Variants in CYP27C1 observed in about 807,000 individuals in gnomAD.
CYP27C1 encodes cytochrome P450 family 27 subfamily C member 1, also known as cytochrome P450 27C1.
In CYP27C1, 29 loss-of-function variants were observed where a neutral mutation model predicts 40.6. That is an observed-to-expected ratio of 0.71 (90% confidence interval 0.53 to 0.97). The LOEUF (loss-of-function observed/expected upper bound fraction) is 0.97, where lower values mean the gene tolerates loss of function less well. Ranked by LOEUF, CYP27C1 falls within the 50% of genes least tolerant of loss-of-function variation. The probability of loss-of-function intolerance (pLI) is 0.00; values close to 1 mark genes in which losing one functional copy is unlikely to be tolerated. For synonymous variants in CYP27C1, 198 were observed against 186.8 expected, an observed-to-expected ratio of 1.06 and a Z score of -0.49; for missense variants, 390 against 485.8, an observed-to-expected ratio of 0.80 and a Z score of 1.85.
In CYP27C1 at chr2:127,194,920, C is replaced by A. The variant is rs371268931; in HGVS notation, c.1214+415G>T. On this transcript the variant is annotated intron_variant, in intron 6 of 8. Transcript: ENST00000664447. Reference sequence around the variant, plus strand: ...CACTGGTGCAATCTTGGCTCCATCACCTAACTTCAAGCGATTCTCTTGCCC... The same window carrying A: ...CACTGGTGCAATCTTGGCTCCATCAACTAACTTCAAGCGATTCTCTTGCCC... 4.8e-4 allele frequency among the ~76,000 whole-genome samples: 72 copies of A among 151,254 alleles called. 2 individuals are homozygous for A. Among genetic ancestry groups the A allele is most frequent in the African/African-American group, 1.7e-3 (70 of 41,094 alleles).
At chr2:127,193,531 C>T (rs539377392) in intron 7 of CYP27C1, among the ~76,000 whole-genome samples, 9 of 152,216 alleles carry the variant, frequency 5.9e-5, no homozygotes, top group Non-Finnish European at 1.3e-4. Context: ...CCAGCGGTGA[C>T]TGGCCACTTC....
chr2:127,198,114 T>G (rs538022046), intron 5 of CYP27C1, among the ~76,000 whole-genome samples: 52 of 152,016 alleles, frequency 3.4e-4, no homozygotes, highest in African/African-American at 1.3e-3. Context: ...CATTCTGATA[T>G]GAACCCTCCC....
intron 1 of CYP27C1, among the ~76,000 whole-genome samples, chr2:127,215,742 T>C (rs1343768992): frequency 6.6e-6 from 1 of 150,900 alleles, no homozygotes; most frequent in Non-Finnish European, 1.5e-5. Context: ...AACCTTCGGA[T>C]GGAGAAAATA....
rs1164024724 is a variant in CYP27C1, at chr2:127,218,890, GC to G, written c.282+1098del. 6.6e-6 allele frequency among the ~76,000 whole-genome samples: 1 copy of G among 152,214 alleles called. No individual in the cohort carries two copies. The highest frequency in any genetic ancestry group is 1.5e-5 in the Non-Finnish European group (1 of 68,034). ...GGCGCCGCCGCGGCTCGGGTGCAGTGCCCCTGCCACGAAGGGCGCAACGGAG... is the reference window on the plus strand; with the variant it reads ...GGCGCCGCCGCGGCTCGGGTGCAGTGCCCTGCCACGAAGGGCGCAACGGAG... On this transcript the variant is annotated intron_variant, in intron 1 of 8. Coordinates refer to ENST00000664447, the MANE Select transcript of CYP27C1 (RefSeq NM_001367502.1). This position sits in a 1 kb window ranked among gnomAD's most constrained non-coding sequence, Gnocchi z 6.0.
At position 127,185,360 on chromosome 2, in the gene CYP27C1, T is replaced by C. The variant is rs1016526535; in HGVS notation, c.*1911A>G. 1.3e-5 allele frequency: 2 copies of C among 152,222 alleles called. No individual in the cohort carries two copies. Among genetic ancestry groups the C allele is most frequent in the African/African-American group, 4.8e-5 (2 of 41,440 alleles). 9.4% of individuals were successfully genotyped at this position (152,222 alleles called of 1,614,324 possible). A position where few individuals can be genotyped will look rare whatever the true frequency, so the allele number is the denominator to read the frequency against. ...AGCCCGCACTTTGCTATTCACCCTGTGCTGATCCCCAGGCAGAGCCACACT... is the reference window on the plus strand; with the variant it reads ...AGCCCGCACTTTGCTATTCACCCTGCGCTGATCCCCAGGCAGAGCCACACT... On this transcript the variant is annotated 3_prime_UTR_variant, in exon 9 of 9. Coordinates refer to ENST00000664447, the MANE Select transcript of CYP27C1 (RefSeq NM_001367502.1). This position sits in a 1 kb window ranked among gnomAD's most constrained non-coding sequence, Gnocchi z 4.9.
At chr2:127,188,818 TAAGA>T (rs953492549) in intron 8 of CYP27C1, among the ~76,000 whole-genome samples, 11 of 152,244 alleles carry the variant, frequency 7.2e-5, no homozygotes, top group African/African-American at 2.4e-4. Context: ...TTTAAATAAT[TAAGA>T]GTCAGACAGG....
chr2:127,193,387 CG>C, intron 7 of CYP27C1, 90 bp from the exon 8 acceptor site: 1 of 1,523,980 alleles, frequency 6.6e-7, no homozygotes. Context: ...GACAGTCTCC[CG>C]GGGTGCTCCC....
chr2:127,205,728 C>T, intron 2 of CYP27C1, 172 bp downstream of exon 2: 14 of 985,538 alleles, frequency 1.4e-5, no homozygotes, highest in Non-Finnish European at 1.7e-5. Flanking sequence ...CCAGAAAGCC[C>T]AGCAGGGCTC....
chr2:127,216,997 A>C (rs1473360422), intron 1 of CYP27C1, among the ~76,000 whole-genome samples: 3 of 152,178 alleles, frequency 2.0e-5, no homozygotes, highest in African/African-American at 7.2e-5. Flanking sequence ...ACTTCTGCCT[A>C]ACAAATAAGT....
At position 127,199,336 on chromosome 2, in the gene CYP27C1, A is replaced by C. The variant is rs371576588; in HGVS notation, c.1047+40T>G. 3 of 1,605,708 alleles carry C rather than the reference A, an allele frequency of 1.9e-6. No individual in the cohort carries two copies. The African/African-American group carries it at 4.0e-5, about 21-fold the overall frequency. Reference sequence around the variant, plus strand: ...TCCATGAGGTGATGAGGAAGGGGTTATCGTGTGTTGCTTGCTGAGAACAGG... The same window carrying C: ...TCCATGAGGTGATGAGGAAGGGGTTCTCGTGTGTTGCTTGCTGAGAACAGG... On this transcript the variant is annotated intron_variant, in intron 5 of 8. Transcript: ENST00000664447.
chr2:127,215,485 A>G (rs963715243), intron 1 of CYP27C1, among the ~76,000 whole-genome samples: 2 of 152,306 alleles, frequency 1.3e-5, no homozygotes, highest in South Asian at 2.1e-4. Flanking sequence ...TTAAGATATG[A>G]TCCCTAAAGT....
At chr2:127,197,601 C>T (rs938375119) in intron 5 of CYP27C1, among the ~76,000 whole-genome samples, 6 of 152,118 alleles carry the variant, frequency 3.9e-5, no homozygotes, top group Non-Finnish European at 8.8e-5. Context: ...TTGGAAACAG[C>T]GAAGCGTCAC....
Position 127,196,094 on chromosome 2 carries a change from G to A in CYP27C1, c.1048-593C>T, listed in dbSNP as rs1301316717. 6.7e-5 allele frequency among the ~76,000 whole-genome samples: 10 copies of A among 150,062 alleles called. No individual in the cohort carries two copies. Among genetic ancestry groups the A allele is most frequent in the Admixed American group, 1.3e-4 (2 of 15,072 alleles). ...TTTTTTTTTTTTGAGACGGAGTCTC[G>A]CTCTGTCGCCCAGGCTGGAATGCAG... On this transcript the variant is annotated intron_variant, in intron 5 of 8. Coordinates refer to ENST00000664447, the MANE Select transcript of CYP27C1 (RefSeq NM_001367502.1). The surrounding 1 kb of genome is among the most constrained non-coding windows in gnomAD (Gnocchi z 4.5).
At position 127,203,366 on chromosome 2, in the gene CYP27C1, C is replaced by T. The variant is rs1237863821; in HGVS notation, c.673+6G>A. ...CCCTCCTTCCCACCTGCTGATTCCA[C>T]CTCACCTTCCATTGAATATTTGAAG... is the stretch of plus-strand genomic sequence containing the variant. On this transcript the variant is annotated splice_donor_region_variant and intron_variant, in intron 3 of 8. Coordinates refer to ENST00000664447, the MANE Select transcript of CYP27C1 (RefSeq NM_001367502.1). 1.2e-6 allele frequency: 2 copies of T among 1,611,540 alleles called. No homozygotes were observed. The highest frequency in any genetic ancestry group is 2.2e-5 in the South Asian group (2 of 90,496).
At chr2:127,206,117 A>T (rs1683220969) in intron 1 of CYP27C1, among the ~76,000 whole-genome samples, 27 bp from the exon 2 acceptor site, 1 of 152,260 alleles carries the variant, frequency 6.6e-6, no homozygotes, top group Non-Finnish European at 1.5e-5. Context: ...AAATCAAAAA[A>T]GGAAAAAATA....
rs750909992 is a variant in CYP27C1 at position 127,187,353 on chromosome 2, T to A, written c.1532A>T (p.Gln511Leu). 6.2e-7 allele frequency: 1 copy of A among 1,614,010 alleles called. No individual in the cohort carries two copies. Among genetic ancestry groups the A allele is most frequent in the Non-Finnish European group, 8.5e-7 (1 of 1,179,986 alleles). Residue 511 changes from glutamine to leucine, a missense_variant, in exon 9 of 9, where the codon CAG (glutamine) becomes CTG (leucine). Gln to Leu is a moderately radical substitution (Grantham distance 113, BLOSUM62 -2). Transcript: ENST00000664447. ...GGTTTTTGCATGAACAGCATTGGTC[T>A]GAGAAGATGTTTTGATCTCAAAATG... is the stretch of plus-strand genomic sequence containing the variant. ...LQHFEIKTSS[Q>L]TNAVHAKTHG... is the part of the protein sequence containing the mutation.
chr2:127,204,282 A>AAGAGAGAG (rs1220024513), intron 2 of CYP27C1, among the ~76,000 whole-genome samples: 1 of 109,278 alleles, frequency 9.2e-6, no homozygotes, highest in Non-Finnish European at 1.8e-5. Flanking sequence ...AAAAGAAAGA[A>AAGAGAGAG]AGAGAGAGAG....
intron 8 of CYP27C1, among the ~76,000 whole-genome samples, chr2:127,188,903 G>T (rs1045428713): frequency 2.0e-5 from 3 of 152,186 alleles, no homozygotes; most frequent in Admixed American, 6.5e-5. Context: ...CACTATTAAA[G>T]AAATGAGCTG....
intron 8 of CYP27C1, among the ~76,000 whole-genome samples, chr2:127,191,183 G>A (rs929971699): frequency 5.3e-5 from 8 of 151,902 alleles, no homozygotes; most frequent in Non-Finnish European, 8.8e-5. Flanking sequence ...GGAGGCGGAG[G>A]TTGCAGTGAG....
Sources: gnomAD v4.1 joint callset for allele counts (sites outside exome capture counted in the v4.1 genomes callset) on GRCh38, gnomAD v4.1.1 for gene constraint, Gnocchi (gnomAD v3.1) non-coding constraint, MANE v1.5 for transcripts, NCBI Gene and HGNC (gene_info 2026-07-23, HGNC 2026-07-21) for gene names.